The following SV2C variants were observed in gnomAD, a reference collection of about 807,000 sequenced individuals.
SV2C encodes the protein synaptic vesicle glycoprotein 2C, also known as solute carrier family 22 member B3.
Under a neutral mutation model 79.7 loss-of-function variants are expected in SV2C, and 49 were observed. The observed-to-expected ratio is 0.61, with a 90% CI of 0.49 to 0.78. SV2C has a LOEUF of 0.78. Among genes scored for constraint, SV2C ranks in the 30% least tolerant of loss-of-function variants. The probability of loss-of-function intolerance (pLI) is 0.00; values close to 1 mark genes in which losing one functional copy is unlikely to be tolerated. For missense variants in SV2C, 833 were observed against 912.9 expected, an observed-to-expected ratio of 0.91 and a Z score of 1.13; for synonymous variants, 334 against 333.2, an observed-to-expected ratio of 1.00 and a Z score of -0.03.
the SV2C span, among the ~76,000 whole-genome samples, chr5:75,873,841 T>A: frequency 6.6e-6 from 1 of 152,040 alleles, no homozygotes; most frequent in African/African-American, 2.4e-5. Context: ...TACACCCTCT[T>A]GAGACTAAGC....
At chr5:76,039,925 A>G in the SV2C span, among the ~76,000 whole-genome samples, 5 of 152,178 alleles carry the variant, frequency 3.3e-5, no homozygotes, top group South Asian at 8.3e-4. Context: ...GAACTGAAAA[A>G]GAGAAAATGG....
At chr5:75,971,766 G>A in the SV2C span, among the ~76,000 whole-genome samples, 3 of 151,922 alleles carry the variant, frequency 2.0e-5, no homozygotes, top group African/African-American at 7.3e-5. Flanking sequence ...TAAATTATAG[G>A]TTCAATGCCA....
the SV2C span, among the ~76,000 whole-genome samples, chr5:75,990,342 C>T: frequency 6.6e-6 from 1 of 151,802 alleles, no homozygotes; most frequent in Non-Finnish European, 1.5e-5. Flanking sequence ...GGAAGGGGTC[C>T]AGTTTCAATC....
chr5:76,133,431 G>A (rs1479428918), intron 2 of SV2C, among the ~76,000 whole-genome samples: 2 of 152,156 alleles, frequency 1.3e-5, no homozygotes, highest in Admixed American at 6.5e-5. Context: ...AATTTCCTGG[G>A]TGATTAAAAT....
chr5:75,857,958 A>G, the SV2C span, among the ~76,000 whole-genome samples: 2 of 152,200 alleles, frequency 1.3e-5, no homozygotes, highest in Admixed American at 6.5e-5. Context: ...TTGATTTTGT[A>G]TCCTGCAACT....
the SV2C span, among the ~76,000 whole-genome samples, chr5:76,006,134 A>G: frequency 2.0e-5 from 3 of 152,190 alleles, no homozygotes; most frequent in Admixed American, 1.3e-4. Context: ...ACTTCTCTAG[A>G]GGACAGTAAC....
At chr5:75,872,187 A>G in the SV2C span, among the ~76,000 whole-genome samples, 2 of 150,710 alleles carry the variant, frequency 1.3e-5, no homozygotes, top group African/African-American at 2.4e-5. Flanking sequence ...TAACTTGGAA[A>G]AATCTTAACA....
At chr5:76,218,621 G>T (rs779166234) in intron 4 of SV2C, among the ~76,000 whole-genome samples, 29 of 152,184 alleles carry the variant, frequency 1.9e-4, no homozygotes, top group Non-Finnish European at 5.9e-5. Flanking sequence ...GGAGGCAAGG[G>T]GAGGGAGAGC....
At chr5:76,094,902 A>G (rs886947530) in intron 1 of SV2C, among the ~76,000 whole-genome samples, 2 of 151,876 alleles carry the variant, frequency 1.3e-5, no homozygotes, top group East Asian at 3.9e-4. Flanking sequence ...TTGTCTTTTT[A>G]TACTATTGAC....
At chr5:76,311,808 T>G (rs917002230) in intron 12 of SV2C, among the ~76,000 whole-genome samples, 1 of 152,052 alleles carries the variant, frequency 6.6e-6, no homozygotes, top group Non-Finnish European at 1.5e-5. Flanking sequence ...TTCCCTCATT[T>G]CTCCGTCCCC....
chr5:75,963,698 G>A, the SV2C span, among the ~76,000 whole-genome samples: 1 of 151,928 alleles, frequency 6.6e-6, no homozygotes, highest in Non-Finnish European at 1.5e-5. Flanking sequence ...TGAAAGATTC[G>A]AGTGTCTCTT....
Position 76,300,859 on chromosome 5 carries a change from G to T in SV2C, c.1767G>T (p.Gly589=). 6.2e-7 allele frequency: 1 copy of T among 1,614,146 alleles called. No homozygotes were observed. Among genetic ancestry groups the T allele is most frequent in the Non-Finnish European group, 8.5e-7 (1 of 1,180,000 alleles). The change falls in exon 11 of 13, where the codon GGG becomes GGT. Residue 589 remains glycine (G), a synonymous_variant. Coordinates refer to ENST00000502798, the MANE Select transcript of SV2C (RefSeq NM_014979.4). ...GGATTTATTTTGTCAACTTTCTGGG[G>T]ACATTGGCAGTATTGCCAGGGAACA... The part of the protein sequence containing the change: ...AYWIYFVNFL[G]TLAVLPGNIV...
chr5:75,876,352 G>T, the SV2C span, among the ~76,000 whole-genome samples: 1 of 151,988 alleles, frequency 6.6e-6, no homozygotes, highest in Non-Finnish European at 1.5e-5. Flanking sequence ...CTCTCTTGCA[G>T]GTGGGAGCTA....
At chr5:75,866,214 AT>A in the SV2C span, among the ~76,000 whole-genome samples, 42,221 of 151,160 alleles carry the variant, frequency 0.28, 8,372 homozygotes, top group African/African-American at 0.57. Context: ...TCTCCAATGC[AT>A]TTTTTTTTCA....
chr5:76,343,832 G>T (rs1213163976), intron 12 of SV2C, among the ~76,000 whole-genome samples: 1 of 152,124 alleles, frequency 6.6e-6, no homozygotes, highest in Non-Finnish European at 1.5e-5. Context: ...ACCAGCATAG[G>T]CAACATGGTG....
intron 2 of SV2C, among the ~76,000 whole-genome samples, chr5:76,171,953 G>A (rs1358030674): frequency 4.7e-4 from 54 of 113,692 alleles, no homozygotes; most frequent in African/African-American, 6.5e-4. Flanking sequence ...TCAGCCCCCC[G>A]CCTGGCCAGC....
At chr5:76,213,725 G>GTCA (rs1272873279) in intron 4 of SV2C, among the ~76,000 whole-genome samples, 1 of 152,242 alleles carries the variant, frequency 6.6e-6, no homozygotes, top group East Asian at 1.9e-4. Context: ...TCTTTCATGT[G>GTCA]TGTATGATGA....
the SV2C span, among the ~76,000 whole-genome samples, chr5:75,850,847 T>C: frequency 2.6e-5 from 4 of 152,278 alleles, no homozygotes; most frequent in South Asian, 6.2e-4. Context: ...TTTGTACTAA[T>C]AATGCCAGTG....
At chr5:76,164,167 T>C (rs1447164151) in intron 2 of SV2C, among the ~76,000 whole-genome samples, 1 of 152,240 alleles carries the variant, frequency 6.6e-6, no homozygotes, top group African/African-American at 2.4e-5. Context: ...TTAAACTTCC[T>C]AAAGCACTCA....
Sources: gnomAD v4.1 joint callset for allele counts (sites outside exome capture counted in the v4.1 genomes callset) on GRCh38, gnomAD v4.1.1 for gene constraint, MANE v1.5 for transcripts, NCBI Gene and HGNC (gene_info 2026-07-23, HGNC 2026-07-21) for gene names.